Variants in MYRIP observed in about 807,000 individuals in gnomAD.
MYRIP encodes the protein rab effector MyRIP.
A neutral mutation model predicts 98.0 loss-of-function variants in MYRIP; 49 were observed. The observed-to-expected ratio is 0.50, with a 90% CI of 0.40 to 0.63. MYRIP has a LOEUF of 0.63. Among genes scored for constraint, MYRIP ranks in the 30% least tolerant of loss-of-function variants. MYRIP has a pLI of 0.00. For synonymous variants in MYRIP, 404 were observed against 409.5 expected, an observed-to-expected ratio of 0.99 and a Z score of 0.16; for missense variants, 1,004 against 1,058.2, an observed-to-expected ratio of 0.95 and a Z score of 0.71.
chr3:39,828,518 G>A (rs1482540494), intron 1 of MYRIP, among the ~76,000 whole-genome samples: 1 of 151,960 alleles, frequency 6.6e-6, no homozygotes, highest in Non-Finnish European at 1.5e-5. Flanking sequence ...GGGTACAGGT[G>A]GTATTTGGTT....
At chr3:39,816,078 C>CTTT (rs11382431) in intron 1 of MYRIP, among the ~76,000 whole-genome samples, 1 of 143,230 alleles carries the variant, frequency 7.0e-6, no homozygotes, top group Admixed American at 7.0e-5. Context: ...TTCTTTTTTT[C>CTTT]TTTTTTTTTT....
intron 1 of MYRIP, among the ~76,000 whole-genome samples, chr3:39,869,158 T>C (rs1179314502): frequency 6.6e-6 from 1 of 152,220 alleles, no homozygotes. Context: ...CATCCCTTTT[T>C]AAGATCACTT....
rs987958645 is a variant in MYRIP at position 40,084,875 on chromosome 3, T to C, written c.332+40604T>C. ...CATGTCGATAGATAATATATATCTA[T>C]GTGTTACATGTCGATAGATAATATA... On this transcript the variant is annotated intron_variant, in intron 3 of 16. Coordinates refer to ENST00000302541, the MANE Select transcript of MYRIP (RefSeq NM_015460.4). Among the ~76,000 whole-genome samples the C allele has an allele frequency of 3.3e-4, 31 of 93,196 alleles. 1 individual carries two copies. Among genetic ancestry groups the C allele is most frequent in the African/African-American group, 1.2e-3 (31 of 25,928 alleles). 61.1% of individuals were successfully genotyped at this position (93,196 alleles called of 152,430 possible).
intron 2 of MYRIP, among the ~76,000 whole-genome samples, chr3:39,944,030 A>G (rs1412741209): frequency 2.0e-5 from 3 of 152,298 alleles, no homozygotes; most frequent in South Asian, 4.1e-4. Flanking sequence ...AAAACCAATC[A>G]AAAAAGAAAA....
At chr3:39,855,741 A>C (rs1942267657) in intron 1 of MYRIP, among the ~76,000 whole-genome samples, 1 of 152,068 alleles carries the variant, frequency 6.6e-6, no homozygotes, top group Admixed American at 6.5e-5. Flanking sequence ...TGAGAAAGCA[A>C]GCATGGCTTT....
At chr3:39,892,105 A>T (rs974203997) in intron 1 of MYRIP, among the ~76,000 whole-genome samples, 2 of 152,116 alleles carry the variant, frequency 1.3e-5, no homozygotes, top group African/African-American at 2.4e-5. Context: ...CATTATTTTT[A>T]AAAATTTATA....
chr3:40,181,174 ACT>A (rs72438563), intron 8 of MYRIP, among the ~76,000 whole-genome samples: 6,936 of 151,334 alleles, frequency 0.046, 512 homozygotes, highest in African/African-American at 0.16. Flanking sequence ...AGTTTCCACG[ACT>A]CTCAAGGAAT....
intron 4 of MYRIP, among the ~76,000 whole-genome samples, chr3:40,154,400 G>T (rs1183977575): frequency 6.6e-6 from 1 of 152,146 alleles, no homozygotes; most frequent in Non-Finnish European, 1.5e-5. Flanking sequence ...AAGAGTTGGG[G>T]GTGATGAAAT....
In MYRIP at chr3:39,887,878, CCAA is replaced by C. The variant is rs530309721; in HGVS notation, c.-30-12903_-30-12901del. Among the ~76,000 whole-genome samples, 29 of 152,120 alleles carry C rather than the reference CCAA, an allele frequency of 1.9e-4. No homozygotes were observed. The East Asian group carries it at 5.4e-3, about 28-fold the overall frequency. Reference sequence around the variant, plus strand: ...CAAAAATCACAAGCATTCTTCTACACCAACAACAGACAAACAGAGAGCCAAATC... The same window carrying C: ...CAAAAATCACAAGCATTCTTCTACACCAACAGACAAACAGAGAGCCAAATC... On this transcript the variant is annotated intron_variant, in intron 1 of 16. Transcript: ENST00000302541.
intron 3 of MYRIP, among the ~76,000 whole-genome samples, chr3:40,064,110 G>A (rs1444674296): frequency 6.6e-6 from 1 of 152,138 alleles, no homozygotes; most frequent in Admixed American, 6.5e-5. Context: ...CAAGCAGAGA[G>A]TAGATGGGAG....
At chr3:39,816,535 T>G (rs766034881) in intron 1 of MYRIP, among the ~76,000 whole-genome samples, 4 of 152,308 alleles carry the variant, frequency 2.6e-5, no homozygotes, top group Non-Finnish European at 2.9e-5. Context: ...TGAAGCACTC[T>G]GAACAGTGCC....
At chr3:40,252,270 C>A (rs547043586) in intron 16 of MYRIP, among the ~76,000 whole-genome samples, 4 of 152,170 alleles carry the variant, frequency 2.6e-5, no homozygotes, top group East Asian at 1.9e-4. Flanking sequence ...TAACTTTCTA[C>A]GCAAGTATAG....
chr3:40,095,108 G>C (rs933879076), intron 3 of MYRIP, among the ~76,000 whole-genome samples: 4 of 152,176 alleles, frequency 2.6e-5, no homozygotes, highest in African/African-American at 9.6e-5. Flanking sequence ...CCGAGAGCAA[G>C]AGTTGGGGGT....
chr3:40,131,654 T>C (rs997011711), intron 3 of MYRIP, among the ~76,000 whole-genome samples: 8 of 152,204 alleles, frequency 5.3e-5, no homozygotes, highest in African/African-American at 1.9e-4. Flanking sequence ...TTTTTGCAAT[T>C]TGAAAAAATA....
chr3:40,165,442 A>G lies in MYRIP; in HGVS notation c.551-1404A>G, dbSNP rs758631093. Among the ~76,000 whole-genome samples, 40 of 152,234 alleles carry G rather than the reference A, an allele frequency of 2.6e-4. 3 individuals are homozygous for G. The highest frequency in any genetic ancestry group is 2.1e-4 in the South Asian group (1 of 4,836). Reference sequence around the variant, plus strand: ...ATATTCACACCCTGTCTCATTCCACAAAGAATTTTCAACAGCTTACAGGAG... The same window carrying G: ...ATATTCACACCCTGTCTCATTCCACGAAGAATTTTCAACAGCTTACAGGAG... On this transcript the variant is annotated intron_variant, in intron 5 of 16. Coordinates refer to ENST00000302541, the MANE Select transcript of MYRIP (RefSeq NM_015460.4).
intron 3 of MYRIP, among the ~76,000 whole-genome samples, chr3:40,064,199 A>G (rs576847140): frequency 6.6e-6 from 1 of 151,812 alleles, no homozygotes; most frequent in Admixed American, 6.6e-5. Flanking sequence ...CCCCCCTTTT[A>G]CAGTTGTGGA....
intron 3 of MYRIP, among the ~76,000 whole-genome samples, chr3:40,078,466 C>G (rs1948405088): frequency 6.6e-6 from 1 of 152,246 alleles, no homozygotes; most frequent in African/African-American, 2.4e-5. Context: ...GGACTGCCAG[C>G]ACGCTGTCAC....
chr3:40,185,227 C>A (rs577067456), intron 9 of MYRIP, among the ~76,000 whole-genome samples: 1 of 152,290 alleles, frequency 6.6e-6, no homozygotes, highest in East Asian at 1.9e-4. Context: ...AGGGGCACTG[C>A]GGTTTGGGTA....
At chr3:39,995,987 G>T (rs1946341295) in intron 2 of MYRIP, among the ~76,000 whole-genome samples, 2 of 152,168 alleles carry the variant, frequency 1.3e-5, no homozygotes, top group African/African-American at 4.8e-5. Context: ...AATGCTGAGA[G>T]ATTCTGTCAC....
Sources: gnomAD v4.1 joint callset for allele counts (sites outside exome capture counted in the v4.1 genomes callset) on GRCh38, gnomAD v4.1.1 for gene constraint, MANE v1.5 for transcripts, NCBI Gene and HGNC (gene_info 2026-07-23, HGNC 2026-07-21) for gene names.